Variants in DLG2 observed in about 807,000 individuals in gnomAD.
The protein encoded by DLG2 is discs large MAGUK scaffold protein 2.
DLG2 carries 45 observed loss-of-function variants against 132.5 expected under a neutral mutation model. The ratio of observed to expected loss-of-function variants is 0.34; its 90% CI spans 0.27 to 0.44. The LOEUF (loss-of-function observed/expected upper bound fraction) is 0.44, where lower values mean the gene tolerates loss of function less well. Among genes scored for constraint, DLG2 ranks in the 20% least tolerant of loss-of-function variants. DLG2 has a pLI of 1.00. For missense variants in DLG2, 1,045 were observed against 1,196.9 expected (o/e 0.87, Z 1.87); for synonymous variants, 424 against 419.6 (o/e 1.01, Z -0.13).
intron 2 of DLG2, among the ~76,000 whole-genome samples, chr11:85,602,387 C>CT (rs1029514832): frequency 2.0e-5 from 3 of 151,992 alleles, no homozygotes; most frequent in African/African-American, 4.8e-5. Flanking sequence ...AGTCTTTTCT[C>CT]TTTTTTTTCT....
chr11:84,274,939 C>A (rs1325614522), intron 7 of DLG2, among the ~76,000 whole-genome samples: 1 of 152,210 alleles, frequency 6.6e-6, no homozygotes, highest in Non-Finnish European at 1.5e-5. Context: ...CCACATGCTT[C>A]TTCTCCATGC....
chr11:83,820,012 G>A (rs1239300963), intron 17 of DLG2, among the ~76,000 whole-genome samples: 3 of 152,062 alleles, frequency 2.0e-5, no homozygotes, highest in Non-Finnish European at 2.9e-5. Context: ...AATTCATTGA[G>A]TTATATTTTA....
At chr11:84,494,656 G>A (rs1019846270) in intron 7 of DLG2, among the ~76,000 whole-genome samples, 6 of 152,286 alleles carry the variant, frequency 3.9e-5, no homozygotes, top group Admixed American at 3.9e-4. Flanking sequence ...AGGACCAGAG[G>A]AAAGCATTTA....
chr11:84,972,522 C>T (rs192492006), intron 6 of DLG2, among the ~76,000 whole-genome samples: 38 of 152,300 alleles, frequency 2.5e-4, no homozygotes, highest in Admixed American at 2.5e-3. Flanking sequence ...GCTAAAAGGA[C>T]TCCTTGGGTG....
chr11:84,143,244 G>C (rs2094932721), intron 9 of DLG2, among the ~76,000 whole-genome samples: 1 of 152,178 alleles, frequency 6.6e-6, no homozygotes, highest in African/African-American at 2.4e-5. Context: ...GTAATGAAGA[G>C]AAGGGACAAG....
intron 6 of DLG2, among the ~76,000 whole-genome samples, chr11:84,711,330 AAGAGAGAGAGAGAGAGAGAGAGAG>A (rs760750088): frequency 2.1e-5 from 1 of 48,420 alleles, no homozygotes; most frequent in Non-Finnish European, 4.5e-5. Context: ...CAGAACCAGT[AAGAGAGAGAGAGAGAGAGAGAGAG>A]AGAGAGAGAG....
intron 14 of DLG2, among the ~76,000 whole-genome samples, chr11:83,960,560 G>A (rs1337875057): frequency 2.0e-5 from 3 of 151,752 alleles, no homozygotes; most frequent in Non-Finnish European, 4.4e-5. Context: ...TAATAAATTA[G>A]GCTTTGTGGA....
At chr11:84,873,962 C>T (rs944058136) in intron 6 of DLG2, among the ~76,000 whole-genome samples, 1 of 152,176 alleles carries the variant, frequency 6.6e-6, no homozygotes, top group Non-Finnish European at 1.5e-5. Flanking sequence ...CACCCTTCAC[C>T]TTACTGATCT....
chr11:84,217,901 C>T (rs2096857094), intron 8 of DLG2, among the ~76,000 whole-genome samples: 2 of 152,172 alleles, frequency 1.3e-5, no homozygotes, highest in African/African-American at 4.8e-5. Context: ...GGTGCAGTGG[C>T]TCACACCTGT....
rs147502655 is a variant in DLG2, at chr11:83,630,977, A to G, written c.1940+2234T>C. 1.7e-3 allele frequency among the ~76,000 whole-genome samples: 257 copies of G among 152,242 alleles called. 1 individual carries two copies. Among genetic ancestry groups the G allele is most frequent in the Middle Eastern group, 3.4e-3 (1 of 292 alleles). On this transcript the variant is annotated intron_variant, in intron 19 of 27. Coordinates refer to ENST00000376104, the MANE Select transcript of DLG2 (RefSeq NM_001142699.3). ...TATAATCAGAGAAACCCTGCTAGTA[A>G]TTTATTCTGAGAGAGCAAGTAGTTG...
At chr11:84,246,088 A>T (rs36126377) in intron 8 of DLG2, among the ~76,000 whole-genome samples, 8,312 of 152,294 alleles carry the variant, frequency 0.055, 311 homozygotes, top group Non-Finnish European at 0.076. Flanking sequence ...GAAACTTCTG[A>T]AGCAGAGATG....
At chr11:84,587,992 C>G (rs1430024613) in intron 6 of DLG2, among the ~76,000 whole-genome samples, 1 of 152,170 alleles carries the variant, frequency 6.6e-6, no homozygotes, top group Non-Finnish European at 1.5e-5. Context: ...ACGATAGCAT[C>G]ACTCCTCTGC....
chr11:85,536,069 T>C (rs2075557705), intron 3 of DLG2, among the ~76,000 whole-genome samples: 1 of 151,612 alleles, frequency 6.6e-6, no homozygotes, highest in South Asian at 2.1e-4. Context: ...ATATAAAAAT[T>C]AGACTGGCAA....
At chr11:84,739,184 T>A (rs1208546477) in intron 6 of DLG2, among the ~76,000 whole-genome samples, 1 of 152,158 alleles carries the variant, frequency 6.6e-6, no homozygotes, top group Non-Finnish European at 1.5e-5. Flanking sequence ...TTAAAAAAGA[T>A]TCATTTTATT....
At chr11:85,304,395 A>G (rs1265975476) in intron 3 of DLG2, among the ~76,000 whole-genome samples, 1 of 152,160 alleles carries the variant, frequency 6.6e-6, no homozygotes, top group African/African-American at 2.4e-5. Flanking sequence ...GGGGCAAGAA[A>G]GGTAAATCCT....
intron 7 of DLG2, among the ~76,000 whole-genome samples, chr11:84,255,911 C>A (rs1598456815): frequency 1.3e-5 from 2 of 151,864 alleles, no homozygotes; most frequent in African/African-American, 4.8e-5. Context: ...TTTTACATGA[C>A]ATTCTCTTTC....
At chr11:83,617,224 G>C (rs1024971841) in intron 19 of DLG2, among the ~76,000 whole-genome samples, 1 of 152,156 alleles carries the variant, frequency 6.6e-6, no homozygotes, top group South Asian at 2.1e-4. Context: ...GAATTGCAGT[G>C]AATCAATATA....
intron 18 of DLG2, among the ~76,000 whole-genome samples, chr11:83,761,766 T>G (rs943864926): frequency 3.9e-4 from 60 of 152,318 alleles, no homozygotes; most frequent in African/African-American, 1.4e-3. Context: ...ATGGGAAACA[T>G]GGAGGCCGGG....
intron 6 of DLG2, among the ~76,000 whole-genome samples, chr11:84,895,657 T>A (rs1294050793): frequency 6.6e-6 from 1 of 152,166 alleles, no homozygotes; most frequent in Non-Finnish European, 1.5e-5. Flanking sequence ...TTAGTTTTAT[T>A]GTAAGGGGAG....
Sources: allele counts gnomAD v4.1 joint callset (sites outside exome capture counted in the v4.1 genomes callset), GRCh38; gene constraint gnomAD v4.1.1; transcripts MANE v1.5; gene names NCBI Gene and HGNC (gene_info 2026-07-23, HGNC 2026-07-21).